The following CNTNAP2 variants were observed in gnomAD, a reference collection of about 807,000 sequenced individuals.
The protein encoded by CNTNAP2 is contactin associated protein 2, also known as contactin-associated protein-like 2.
Under a neutral mutation model 155.2 loss-of-function variants are expected in CNTNAP2, and 98 were observed. The ratio of observed to expected loss-of-function variants is 0.63; its 90% confidence interval spans 0.54 to 0.75. The LOEUF (loss-of-function observed/expected upper bound fraction) is 0.75, where lower values mean the gene tolerates loss of function less well. Ranked by LOEUF, CNTNAP2 falls within the 30% of genes least tolerant of loss-of-function variation. The probability of loss-of-function intolerance (pLI) is 0.00; values close to 1 mark genes in which losing one functional copy is unlikely to be tolerated. For missense variants in CNTNAP2, 1,727 were observed against 1,688.1 expected (o/e 1.02, Z -0.40); for synonymous variants, 651 against 631.2 (o/e 1.03, Z -0.47).
At chr7:147,832,345 T>G (rs994992114) in intron 13 of CNTNAP2, among the ~76,000 whole-genome samples, 4 of 146,578 alleles carry the variant, frequency 2.7e-5, no homozygotes, top group Non-Finnish European at 4.5e-5. Context: ...TATACATATA[T>G]CTATATACAT....
At chr7:147,925,081 G>A (rs984803212) in intron 14 of CNTNAP2, among the ~76,000 whole-genome samples, 4 of 150,158 alleles carry the variant, frequency 2.7e-5, no homozygotes, top group South Asian at 2.1e-4. Context: ...ATCATGCCAC[G>A]GCACTGCAGC....
At chr7:146,647,261 G>C (rs1422292079) in intron 1 of CNTNAP2, among the ~76,000 whole-genome samples, 1 of 152,104 alleles carries the variant, frequency 6.6e-6, no homozygotes, top group Non-Finnish European at 1.5e-5. Context: ...TTTATCTCGA[G>C]CTCCTTTCCT....
Position 147,800,332 on chromosome 7 carries a change from A to G in CNTNAP2, c.2099-103233A>G, listed in dbSNP as rs187211302. On this transcript the variant is annotated intron_variant, in intron 13 of 23. Coordinates refer to ENST00000361727, the MANE Select transcript of CNTNAP2 (RefSeq NM_014141.6). ...GCTGATCATGATAAGGAATGCCATT[A>G]TAGACTAAGACCCAACTGCAAGGAG... Among the ~76,000 whole-genome samples, 6 of 152,338 alleles carry G rather than the reference A, an allele frequency of 3.9e-5. No homozygotes were observed. In the East Asian group the frequency reaches 1.2e-3, roughly 29 times the overall value.
chr7:147,121,017 G>C lies in CNTNAP2; in HGVS notation c.793G>C (p.Val265Leu), dbSNP rs1479604826. ...TGGCCCCATATATGGCCACACATCA[G>C]TGATGACAGGAAGTTTGCTGGATGA... Reference protein sequence around the residue: ...QLGPIYGHTSVMTGSLLDDHH... With the variant: ...QLGPIYGHTSLMTGSLLDDHH... The change falls in exon 6 of 24, where the codon GTG becomes CTG. Residue 265 changes from valine (V) to leucine (L), a missense_variant. Coordinates refer to ENST00000361727, the MANE Select transcript of CNTNAP2 (RefSeq NM_014141.6). 2 of 1,613,940 alleles carry C rather than the reference G, an allele frequency of 1.2e-6. No individual in the cohort carries two copies. The highest frequency in any genetic ancestry group is 1.7e-6 in the Non-Finnish European group (2 of 1,180,004).
At chr7:147,624,933 A>G (rs1794941224) in intron 12 of CNTNAP2, among the ~76,000 whole-genome samples, 1 of 152,198 alleles carries the variant, frequency 6.6e-6, no homozygotes, top group Non-Finnish European at 1.5e-5. Flanking sequence ...CCATAAAAAG[A>G]ATGAGATACA....
intron 1 of CNTNAP2, among the ~76,000 whole-genome samples, chr7:146,126,820 A>G (rs1181025818): frequency 6.6e-6 from 1 of 152,146 alleles, no homozygotes; most frequent in Non-Finnish European, 1.5e-5. Flanking sequence ...TCTTTAAAAT[A>G]TTTGCCAGTC....
At chr7:146,554,855 A>C (rs1212349860) in intron 1 of CNTNAP2, among the ~76,000 whole-genome samples, 2 of 152,244 alleles carry the variant, frequency 1.3e-5, no homozygotes, top group Non-Finnish European at 2.9e-5. Context: ...AGCCAGGGTG[A>C]AAATGGGGAA....
At chr7:146,157,595 C>T (rs749131987) in intron 1 of CNTNAP2, among the ~76,000 whole-genome samples, 2 of 152,178 alleles carry the variant, frequency 1.3e-5, no homozygotes, top group African/African-American at 4.8e-5. Context: ...ATATCCCGTG[C>T]ATGGCTTGGA....
chr7:147,058,728 T>C (rs149956312), intron 4 of CNTNAP2, among the ~76,000 whole-genome samples: 9,706 of 152,240 alleles, frequency 0.064, 418 homozygotes, highest in Middle Eastern at 0.13. Flanking sequence ...TGCCTCAGCC[T>C]CCCAAGTAGC....
chr7:148,356,588 T>C (rs962497869), intron 21 of CNTNAP2, among the ~76,000 whole-genome samples: 2 of 152,242 alleles, frequency 1.3e-5, no homozygotes, highest in African/African-American at 4.8e-5. Flanking sequence ...GTTTGTAGCC[T>C]ACTAAACCAG....
chr7:147,418,379 C>G (rs1396461777), intron 10 of CNTNAP2, among the ~76,000 whole-genome samples: 1 of 152,142 alleles, frequency 6.6e-6, no homozygotes, highest in Non-Finnish European at 1.5e-5. Context: ...CCTTTATTCT[C>G]CATTTCAGAA....
chr7:148,259,668 C>A (rs113938450), intron 20 of CNTNAP2, among the ~76,000 whole-genome samples: 2 of 152,306 alleles, frequency 1.3e-5, no homozygotes, highest in African/African-American at 4.8e-5. Flanking sequence ...TTAGCTTCTC[C>A]ACTGCATCCC....
In CNTNAP2 at chr7:147,275,767, C is replaced by T. The variant is rs992187051; in HGVS notation, c.1349-24374C>T. Among the ~76,000 whole-genome samples, 4 of 152,050 alleles carry T rather than the reference C, an allele frequency of 2.6e-5. 1 individual carries two copies. Among genetic ancestry groups the T allele is most frequent in the Non-Finnish European group, 5.9e-5 (4 of 67,972 alleles). Reference sequence around the variant, plus strand: ...AGTTTCTTAGGGGAAATGCTTTCAACTTTTCCTCATTCAGTGTGATGTTGG... The same window carrying T: ...AGTTTCTTAGGGGAAATGCTTTCAATTTTTCCTCATTCAGTGTGATGTTGG... On this transcript the variant is annotated intron_variant, in intron 8 of 23. Coordinates refer to ENST00000361727, the MANE Select transcript of CNTNAP2 (RefSeq NM_014141.6).
At chr7:146,644,214 G>C (rs763456217) in intron 1 of CNTNAP2, among the ~76,000 whole-genome samples, 1 of 152,160 alleles carries the variant, frequency 6.6e-6, no homozygotes, top group African/African-American at 2.4e-5. Context: ...GGTGAGAGAG[G>C]GCATCCCTGT....
chr7:146,503,045 G>A (rs750285179), intron 1 of CNTNAP2, among the ~76,000 whole-genome samples: 16 of 152,086 alleles, frequency 1.1e-4, no homozygotes, highest in South Asian at 6.2e-4. Context: ...TTTTAAAATC[G>A]GAGTTTTTTT....
chr7:147,493,093 T>C (rs1357541454), intron 11 of CNTNAP2, among the ~76,000 whole-genome samples: 1 of 152,204 alleles, frequency 6.6e-6, no homozygotes, highest in African/African-American at 2.4e-5. Context: ...AATTTTACTT[T>C]GAGTGTAAGT....
chr7:148,394,576 G>A (rs1799424644), intron 22 of CNTNAP2, among the ~76,000 whole-genome samples: 1 of 152,116 alleles, frequency 6.6e-6, no homozygotes, highest in South Asian at 2.1e-4. Flanking sequence ...TAAGGTTTAT[G>A]TATAAGTTCA....
chr7:147,933,892 G>C (rs1800556802), intron 14 of CNTNAP2, among the ~76,000 whole-genome samples: 1 of 151,848 alleles, frequency 6.6e-6, no homozygotes, highest in African/African-American at 2.4e-5. Flanking sequence ...AAAGAAAAAG[G>C]AGTCCTGCCA....
intron 1 of CNTNAP2, among the ~76,000 whole-genome samples, chr7:146,231,328 G>A (rs577751984): frequency 9.9e-4 from 150 of 152,204 alleles, no homozygotes; most frequent in Non-Finnish European, 1.0e-3. Flanking sequence ...TTAGTAAGAC[G>A]CAGGAGTGAA....
Sources: allele counts gnomAD v4.1 joint callset (sites outside exome capture counted in the v4.1 genomes callset), GRCh38; gene constraint gnomAD v4.1.1; transcripts MANE v1.5; gene names NCBI Gene and HGNC (gene_info 2026-07-23, HGNC 2026-07-21).